RSPH10B2: variants seen among roughly 807,000 people sequenced by gnomAD.
The protein encoded by RSPH10B2 is radial spoke head 10 homolog B2, also known as radial spoke head 10 homolog B2 (Chlamydomonas).
RSPH10B2 carries 9 observed loss-of-function variants against 49.0 expected under a neutral mutation model. The observed-to-expected ratio is 0.18, with a 90% CI of 0.11 to 0.32. The LOEUF (loss-of-function observed/expected upper bound fraction) is 0.32, where lower values mean the gene tolerates loss of function less well. Ranked by LOEUF, RSPH10B2 falls within the 10% of genes least tolerant of loss-of-function variation. The pLI is 1.00. For synonymous variants in RSPH10B2, 35 were observed against 210.2 expected (o/e 0.17, Z 7.21); for missense variants, 95 against 589.9 (o/e 0.16, Z 8.69).
chr7:6,780,428 G>A (rs1482425760), intron 11 of RSPH10B2, among the ~76,000 whole-genome samples: 2 of 116,602 alleles, frequency 1.7e-5, no homozygotes, highest in African/African-American at 6.5e-5. Context: ...CTGTCACCCA[G>A]GCTGGAGTGC....
intron 7 of RSPH10B2, 71 bp downstream of exon 9, chr7:6,768,837 G>T: frequency 1.8e-5 from 1 of 56,394 alleles, no homozygotes; most frequent in East Asian, 3.4e-4. Flanking sequence ...TAAAGCAATT[G>T]AAATGTCCAA....
intron 18 of RSPH10B2, among the ~76,000 whole-genome samples, chr7:6,797,613 C>T (rs1285124160): frequency 6.6e-6 from 1 of 152,282 alleles, no homozygotes; most frequent in African/African-American, 2.4e-5. Flanking sequence ...GTAACCCCAG[C>T]ATTTTGGGGG....
chr7:6,797,442 C>A (rs764601842), intron 18 of RSPH10B2, among the ~76,000 whole-genome samples: 78 of 151,960 alleles, frequency 5.1e-4, no homozygotes, highest in Non-Finnish European at 8.0e-4. Context: ...AAACCAACCA[C>A]GAGATTAGAA....
upstream of RSPH10B2, among the ~76,000 whole-genome samples, chr7:6,755,719 G>T (rs374416976): frequency 0.027 from 1,832 of 67,470 alleles, 9 homozygotes; most frequent in African/African-American, 0.043. Context: ...CAGATCACGA[G>T]GTCAGGAGTT....
chr7:6,777,928 TGATAAA>T (rs1781808254), intron 10 of RSPH10B2, among the ~76,000 whole-genome samples: 1 of 152,244 alleles, frequency 6.6e-6, no homozygotes, highest in African/African-American at 2.4e-5. Context: ...ACGAGGTACT[TGATAAA>T]GAGACAGTCT....
At chr7:6,781,383 G>C in exon 13 of RSPH10B2, 3 of 1,293,700 alleles carry the variant, frequency 2.3e-6, no homozygotes, top group Non-Finnish European at 3.1e-6. Context: ...ACATGAATAA[G>C]TGCTGGGAGA....
At chr7:6,764,708 T>TTG (rs372144067) in intron 4 of RSPH10B2, among the ~76,000 whole-genome samples, 656 of 146,708 alleles carry the variant, frequency 4.5e-3, no homozygotes, top group African/African-American at 7.1e-3. Context: ...GTTGTTGTTG[T>TTG]TGTGTGTGTG....
chr7:6,770,781 T>C (rs1415795557), intron 7 of RSPH10B2, among the ~76,000 whole-genome samples: 2 of 152,208 alleles, frequency 1.3e-5, no homozygotes, highest in Non-Finnish European at 2.9e-5. Context: ...GGCGGGCGCC[T>C]GTAGTCCCAG....
chr7:6,758,969 A>ATATATATATTTT (rs373089504), intron 1 of RSPH10B2, 115 bp from the exon 4 acceptor site: 1 of 345,984 alleles, frequency 2.9e-6, no homozygotes, highest in African/African-American at 3.1e-5. Context: ...ATATATATAT[A>ATATATATATTTT]TTTTTTTTTT....
At chr7:6,774,778 A>ATAGGGTCT (rs1781713399) in intron 9 of RSPH10B2, among the ~76,000 whole-genome samples, 7 of 145,988 alleles carry the variant, frequency 4.8e-5, no homozygotes, top group East Asian at 2.0e-4. Context: ...TCTTGTTGAG[A>ATAGGGTCT]TAGGGTCTTA....
upstream of RSPH10B2, among the ~76,000 whole-genome samples, chr7:6,756,130 T>G (rs556711804): frequency 6.8e-6 from 1 of 147,310 alleles, no homozygotes; most frequent in Non-Finnish European, 1.5e-5. Context: ...ATTAGCCAGG[T>G]GTGGTGGTGG....
chr7:6,791,508 C>A, intron 16 of RSPH10B2, among the ~76,000 whole-genome samples: 1 of 144,218 alleles, frequency 6.9e-6, no homozygotes, highest in Non-Finnish European at 1.5e-5. Context: ...CTTTGGGAGG[C>A]CAAGGCAGGC....
intron 13 of RSPH10B2, among the ~76,000 whole-genome samples, chr7:6,783,222 G>T (rs1337965280): frequency 8.8e-6 from 1 of 113,846 alleles, no homozygotes; most frequent in African/African-American, 3.8e-5. Flanking sequence ...AGTAGAGACA[G>T]TGTTTCACTG....
chr7:6,774,365 A>G (rs1431715119), intron 9 of RSPH10B2, among the ~76,000 whole-genome samples: 1 of 71,404 alleles, frequency 1.4e-5, no homozygotes, highest in Admixed American at 2.0e-4. Context: ...TTTAGTAGAG[A>G]TGGAGTTTCA....
intron 13 of RSPH10B2, among the ~76,000 whole-genome samples, chr7:6,783,633 C>T (rs1261749874): frequency 6.8e-6 from 1 of 146,708 alleles, no homozygotes; most frequent in African/African-American, 2.6e-5. Flanking sequence ...CCAACATACC[C>T]AGCTAATTTT....
At chr7:6,752,354 T>C (rs1780911493), upstream of RSPH10B2, among the ~76,000 whole-genome samples, 1 of 132,450 alleles carries the variant, frequency 7.6e-6, no homozygotes, top group Non-Finnish European at 1.6e-5. Flanking sequence ...TCTGGGAATA[T>C]AAGAATCCCT....
At chr7:6,797,227 T>C (rs1483820359) in intron 18 of RSPH10B2, among the ~76,000 whole-genome samples, 1 of 143,740 alleles carries the variant, frequency 7.0e-6, no homozygotes, top group Non-Finnish European at 1.5e-5. Context: ...CAGGCTGGTC[T>C]CGAACTCCTG....
At chr7:6,783,050 T>A (rs1463272463) in intron 13 of RSPH10B2, among the ~76,000 whole-genome samples, 1 of 126,238 alleles carries the variant, frequency 7.9e-6, no homozygotes, top group Non-Finnish European at 1.7e-5. Flanking sequence ...TTTTTTTTTT[T>A]AGACAAAGTC....
At chr7:6,796,545 A>G (rs1468413125) in intron 17 of RSPH10B2, 23 bp from the exon 20 acceptor site, 3 of 1,003,646 alleles carry the variant, frequency 3.0e-6, no homozygotes, top group Non-Finnish European at 4.1e-6. Context: ...ATTCATGTTC[A>G]GCTTCATGAA....
Sources: gnomAD v4.1 joint callset for allele counts (sites outside exome capture counted in the v4.1 genomes callset) on GRCh38, gnomAD v4.1.1 for gene constraint, MANE v1.5 for transcripts, NCBI Gene and HGNC (gene_info 2026-07-23, HGNC 2026-07-21) for gene names.